Variants in KCNAB1 observed in about 807,000 individuals in gnomAD.
KCNAB1 encodes the protein voltage-gated potassium channel subunit beta-1.
A neutral mutation model predicts 64.6 loss-of-function variants in KCNAB1; 35 were observed. That is an observed-to-expected ratio of 0.54 (90% CI 0.41 to 0.72). The LOEUF (loss-of-function observed/expected upper bound fraction) is 0.72, where lower values mean the gene tolerates loss of function less well. Among genes scored for constraint, KCNAB1 ranks in the 30% least tolerant of loss-of-function variants. The pLI is 0.00. For missense variants in KCNAB1, 401 were observed against 512.9 expected (o/e 0.78, Z 2.11); for synonymous variants, 177 against 183.8 (o/e 0.96, Z 0.30).
chr3:156,120,781 C>T lies in KCNAB1; in HGVS notation c.170C>T (p.Ala57Val), dbSNP rs372851477. ...CCCTCAGGGGAAAGCCAGCTCAGGG[C>T]GCGTCAACTGGCTCTGCTGCGCGAA... ...LSPSGESQLR[A>V]RQLALLREVE... Residue 57 changes from alanine (A) to valine (V), a missense_variant, in exon 1 of 14, where the codon GCG (alanine) becomes GTG (valine). Transcript: ENST00000490337. 4.3e-6 allele frequency: 7 copies of T among 1,614,104 alleles called. No individual in the cohort carries two copies. In the African/African-American group the frequency reaches 6.7e-5, roughly 15 times the overall value.
At chr3:156,371,294 T>A (rs1406125883) in intron 1 of KCNAB1, among the ~76,000 whole-genome samples, 1 of 152,186 alleles carries the variant, frequency 6.6e-6, no homozygotes, top group Non-Finnish European at 1.5e-5. Flanking sequence ...CTCTGTGACC[T>A]TGTGAATATT....
intron 1 of KCNAB1, among the ~76,000 whole-genome samples, chr3:156,247,686 C>T (rs910051489): frequency 1.3e-5 from 2 of 152,078 alleles, no homozygotes; most frequent in African/African-American, 4.8e-5. Context: ...CCTCAGCCTC[C>T]CAGATAGCTA....
chr3:156,395,368 AC>A (rs774496247), intron 1 of KCNAB1, among the ~76,000 whole-genome samples: 73 of 149,020 alleles, frequency 4.9e-4, no homozygotes, highest in South Asian at 1.7e-3. Context: ...AAACGGTGAA[AC>A]CCCGTCTCTA....
At chr3:156,291,797 G>T in intron 1 of KCNAB1, 1 of 1,546,398 alleles carries the variant, frequency 6.5e-7, no homozygotes, top group Non-Finnish European at 8.7e-7. Flanking sequence ...CCCAGGAAGG[G>T]GGAGCAAGGA....
At chr3:156,343,957 T>G (rs1434467189) in intron 1 of KCNAB1, among the ~76,000 whole-genome samples, 1 of 152,196 alleles carries the variant, frequency 6.6e-6, no homozygotes, top group Non-Finnish European at 1.5e-5. Flanking sequence ...GCTAATTTAT[T>G]ATGTTGTTAC....
At chr3:156,242,821 T>A (rs979634053) in intron 1 of KCNAB1, among the ~76,000 whole-genome samples, 4 of 151,528 alleles carry the variant, frequency 2.6e-5, no homozygotes, top group Non-Finnish European at 5.9e-5. Flanking sequence ...GATACTGGCT[T>A]TTGTGTTTTG....
At chr3:156,444,848 G>A (rs890578657) in intron 2 of KCNAB1, among the ~76,000 whole-genome samples, 2 of 152,206 alleles carry the variant, frequency 1.3e-5, no homozygotes, top group Non-Finnish European at 2.9e-5. Context: ...ACCATCCCGT[G>A]ATTGCCAGGG....
intron 1 of KCNAB1, among the ~76,000 whole-genome samples, chr3:156,147,046 A>G (rs920538911): frequency 6.6e-6 from 1 of 152,226 alleles, no homozygotes; most frequent in African/African-American, 2.4e-5. Context: ...AAGAAGATAG[A>G]AAAAACAGTG....
intron 1 of KCNAB1, among the ~76,000 whole-genome samples, chr3:156,271,866 T>C (rs746391455): frequency 1.3e-5 from 2 of 152,216 alleles, no homozygotes; most frequent in Non-Finnish European, 2.9e-5. Context: ...TAAAGAGTCT[T>C]AGGTGTTGTG....
At chr3:156,179,695 C>T (rs954049584) in intron 1 of KCNAB1, among the ~76,000 whole-genome samples, 16 of 152,202 alleles carry the variant, frequency 1.1e-4, no homozygotes, top group African/African-American at 3.4e-4. Flanking sequence ...TAGAATGGAC[C>T]GAAAGTGATG....
chr3:156,483,991 A>G (rs569060456), intron 8 of KCNAB1, among the ~76,000 whole-genome samples: 2 of 152,274 alleles, frequency 1.3e-5, no homozygotes, highest in South Asian at 4.1e-4. Flanking sequence ...TACTCCAGAA[A>G]AACAATTGTA....
intron 1 of KCNAB1, among the ~76,000 whole-genome samples, chr3:156,188,125 T>C (rs1450224712): frequency 2.0e-5 from 3 of 152,186 alleles, no homozygotes; most frequent in Admixed American, 6.5e-5. Context: ...TATTAATATT[T>C]TGGGCATCTC....
intron 1 of KCNAB1, among the ~76,000 whole-genome samples, chr3:156,370,107 A>G (rs1011551139): frequency 1.3e-5 from 2 of 152,202 alleles, no homozygotes; most frequent in African/African-American, 4.8e-5. Context: ...GTATAGGTCT[A>G]AAATTCTCCC....
At chr3:156,182,913 T>C (rs1712960178) in intron 1 of KCNAB1, among the ~76,000 whole-genome samples, 1 of 151,998 alleles carries the variant, frequency 6.6e-6, no homozygotes, top group Non-Finnish European at 1.5e-5. Context: ...TTGGCCAGGC[T>C]GGTCTTGAAC....
intron 1 of KCNAB1, among the ~76,000 whole-genome samples, chr3:156,322,990 AAG>A (rs1409323677): frequency 6.6e-6 from 1 of 152,196 alleles, no homozygotes; most frequent in Non-Finnish European, 1.5e-5. Flanking sequence ...ATGTGCCAAG[AAG>A]AAGCTCATAT....
At chr3:156,177,413 G>C (rs1712458247) in intron 1 of KCNAB1, among the ~76,000 whole-genome samples, 1 of 152,140 alleles carries the variant, frequency 6.6e-6, no homozygotes, top group East Asian at 1.9e-4. Context: ...GTCTCTCTCT[G>C]TCGCCGAGGC....
At chr3:156,297,152 C>T (rs1240829792) in intron 1 of KCNAB1, among the ~76,000 whole-genome samples, 1 of 152,172 alleles carries the variant, frequency 6.6e-6, no homozygotes, top group South Asian at 2.1e-4. Flanking sequence ...CATCCACTCC[C>T]CCTTCTCCAA....
At chr3:156,200,411 C>A (rs533513479) in intron 1 of KCNAB1, among the ~76,000 whole-genome samples, 2 of 152,340 alleles carry the variant, frequency 1.3e-5, no homozygotes, top group African/African-American at 4.8e-5. Flanking sequence ...TCTGCTGAAG[C>A]TGCGCCCATA....
intron 1 of KCNAB1, among the ~76,000 whole-genome samples, chr3:156,366,586 A>G (rs1361524458): frequency 2.6e-5 from 4 of 152,204 alleles, no homozygotes; most frequent in African/African-American, 7.2e-5. Context: ...CCCAGCCACC[A>G]TGATACCCTT....
Sources: allele counts gnomAD v4.1 joint callset (sites outside exome capture counted in the v4.1 genomes callset), GRCh38; gene constraint gnomAD v4.1.1; transcripts MANE v1.5; gene names NCBI Gene and HGNC (gene_info 2026-07-23, HGNC 2026-07-21).